ADCY9: variants seen among roughly 807,000 people sequenced by gnomAD.
ADCY9 encodes the protein adenylate cyclase type 9.
In ADCY9, 50 loss-of-function variants were observed where a neutral mutation model predicts 101.5. The ratio of observed to expected loss-of-function variants is 0.49; its 90% CI spans 0.39 to 0.62. The LOEUF (loss-of-function observed/expected upper bound fraction) is 0.62, where lower values mean the gene tolerates loss of function less well. Among genes scored for constraint, ADCY9 ranks in the 20% least tolerant of loss-of-function variants. The probability of loss-of-function intolerance (pLI) is 0.00; values close to 1 mark genes in which losing one functional copy is unlikely to be tolerated. For missense variants in ADCY9, 1,662 were observed against 1,800.4 expected (o/e 0.92, Z 1.39); for synonymous variants, 905 against 769.3 (o/e 1.18, Z -2.92).
chr16:4,096,799 C>T (rs1261246377), intron 2 of ADCY9, among the ~76,000 whole-genome samples: 1 of 151,972 alleles, frequency 6.6e-6, no homozygotes, highest in Non-Finnish European at 1.5e-5. Flanking sequence ...TTTCTCCAGG[C>T]TAGAGTGTTA....
intron 6 of ADCY9, among the ~76,000 whole-genome samples, chr16:3,987,530 T>C (rs1175602351): frequency 6.6e-6 from 1 of 152,224 alleles, no homozygotes; most frequent in Non-Finnish European, 1.5e-5. Flanking sequence ...CCTACAGCAT[T>C]GCTATGAGCA....
At chr16:4,031,358 C>T (rs1409340644) in intron 2 of ADCY9, among the ~76,000 whole-genome samples, 1 of 152,164 alleles carries the variant, frequency 6.6e-6, no homozygotes, top group African/African-American at 2.4e-5. Flanking sequence ...TATAGATACA[C>T]ACACATACAC....
At chr16:3,988,500 G>A (rs75801969) in intron 6 of ADCY9, among the ~76,000 whole-genome samples, 1 of 139,296 alleles carries the variant, frequency 7.2e-6, no homozygotes, top group African/African-American at 2.6e-5. Context: ...GGGCAGGTGT[G>A]GGGGGTTCCC....
At chr16:4,069,027 T>C (rs925552083) in intron 2 of ADCY9, among the ~76,000 whole-genome samples, 1 of 152,096 alleles carries the variant, frequency 6.6e-6, no homozygotes, top group Non-Finnish European at 1.5e-5. Flanking sequence ...CTTGTGCAAA[T>C]ATTGCCATAG....
intron 2 of ADCY9, among the ~76,000 whole-genome samples, chr16:4,072,926 T>C (rs2056843414): frequency 6.7e-6 from 1 of 148,472 alleles, no homozygotes; most frequent in Admixed American, 6.8e-5. Context: ...AGTGGTGTGA[T>C]ATCTTTAAAG....
At chr16:4,084,846 G>A (rs372833353) in intron 2 of ADCY9, among the ~76,000 whole-genome samples, 2 of 152,206 alleles carry the variant, frequency 1.3e-5, no homozygotes, top group East Asian at 3.9e-4. Flanking sequence ...AACAAGGAAC[G>A]ACCCATATTC....
chr16:3,980,321 C>G (rs72762719), intron 7 of ADCY9, among the ~76,000 whole-genome samples: 7,793 of 152,274 alleles, frequency 0.051, 266 homozygotes, highest in Admixed American at 0.083. Flanking sequence ...AGTGTGCGGG[C>G]CAAGAACCAC....
chr16:3,980,432 G>A (rs563882416), intron 7 of ADCY9, among the ~76,000 whole-genome samples: 1 of 152,212 alleles, frequency 6.6e-6, no homozygotes, highest in Non-Finnish European at 1.5e-5. Context: ...CTCGTGGGGA[G>A]ACAGTCCTTC....
chr16:4,048,073 C>A (rs9936342), intron 2 of ADCY9, among the ~76,000 whole-genome samples: 1,720 of 142,160 alleles, frequency 0.012, 16 homozygotes, highest in Non-Finnish European at 0.019. Flanking sequence ...AAAACAGGTC[C>A]TAGTCTGGGA....
At chr16:4,027,336 C>A (rs2056522750) in intron 2 of ADCY9, among the ~76,000 whole-genome samples, 1 of 152,230 alleles carries the variant, frequency 6.6e-6, no homozygotes, top group African/African-American at 2.4e-5. Flanking sequence ...AGAACCCAGA[C>A]AACTTGTAGT....
At chr16:4,037,847 G>A (rs1370441040) in intron 2 of ADCY9, among the ~76,000 whole-genome samples, 1 of 152,196 alleles carries the variant, frequency 6.6e-6, no homozygotes, top group Non-Finnish European at 1.5e-5. Flanking sequence ...GTGAACAGAC[G>A]TGAGGCCTAT....
chr16:3,970,859 G>A lies in ADCY9; in HGVS notation c.2870+3810C>T, dbSNP rs138465306. Among the ~76,000 whole-genome samples, 593 of 152,202 alleles carry A rather than the reference G, an allele frequency of 3.9e-3. 1 individual carries two copies. Among genetic ancestry groups the A allele is most frequent in the Non-Finnish European group, 6.8e-3 (462 of 68,012 alleles). ...CATCTTTCTGGGTCTCAGTTTCCTCGCTTGTAAGCTGTGAAGATGGACTGG... is the reference window on the plus strand; with the variant it reads ...CATCTTTCTGGGTCTCAGTTTCCTCACTTGTAAGCTGTGAAGATGGACTGG... On this transcript the variant is annotated intron_variant, in intron 10 of 10. Transcript: ENST00000294016.
chr16:4,097,479 T>TACAC (rs1477608601), intron 2 of ADCY9, among the ~76,000 whole-genome samples: 80 of 53,494 alleles, frequency 1.5e-3, no homozygotes, highest in African/African-American at 4.4e-3. Flanking sequence ...TATATATATA[T>TACAC]ATATATATAC....
chr16:4,039,628 G>A (rs552132191), intron 2 of ADCY9, among the ~76,000 whole-genome samples: 43 of 144,900 alleles, frequency 3.0e-4, no homozygotes, highest in African/African-American at 1.1e-3. Context: ...GCAGTGAGCC[G>A]AGATCGCACC....
intron 2 of ADCY9, among the ~76,000 whole-genome samples, chr16:4,072,218 G>C (rs1425990708): frequency 6.6e-6 from 1 of 152,306 alleles, no homozygotes; most frequent in Middle Eastern, 3.4e-3. Context: ...GAAGGAAGAA[G>C]AGGGCATGTG....
intron 3 of ADCY9, among the ~76,000 whole-genome samples, chr16:4,003,563 C>CTTT (rs34344577): frequency 3.2e-5 from 4 of 124,484 alleles, no homozygotes; most frequent in Non-Finnish European, 5.0e-5. Flanking sequence ...TCTTTCTTTT[C>CTTT]TTTTTTTTTT....
intron 2 of ADCY9, among the ~76,000 whole-genome samples, chr16:4,034,183 C>G (rs889814649): frequency 4.6e-5 from 7 of 152,124 alleles, no homozygotes; most frequent in African/African-American, 1.7e-4. Flanking sequence ...CAAATGGTCT[C>G]TTGTGGCTCA....
At chr16:4,018,447 A>T (rs191768693) in intron 2 of ADCY9, among the ~76,000 whole-genome samples, 65 of 152,134 alleles carry the variant, frequency 4.3e-4, no homozygotes, top group African/African-American at 1.5e-3. Flanking sequence ...TCCTGACCTC[A>T]AGTGATCCAC....
chr16:3,988,940 T>G, intron 6 of ADCY9, 54 bp downstream of exon 6: 1 of 1,366,392 alleles, frequency 7.3e-7, no homozygotes, highest in South Asian at 1.2e-5. Flanking sequence ...TGAATGACCA[T>G]GTGAGAACAA....
Sources: gnomAD v4.1 joint callset for allele counts (sites outside exome capture counted in the v4.1 genomes callset) on GRCh38, gnomAD v4.1.1 for gene constraint, MANE v1.5 for transcripts, NCBI Gene and HGNC (gene_info 2026-07-23, HGNC 2026-07-21) for gene names.